The following CEMIP variants were observed in gnomAD, a reference collection of about 807,000 sequenced individuals.
CEMIP encodes cell migration inducing hyaluronidase 1.
In CEMIP, 105 loss-of-function variants were observed where a neutral mutation model predicts 156.9. The ratio of observed to expected loss-of-function variants is 0.67; its 90% CI spans 0.57 to 0.79. The LOEUF (loss-of-function observed/expected upper bound fraction) is 0.79, where lower values mean the gene tolerates loss of function less well. CEMIP is among the 30% of genes least tolerant of loss of function. The pLI is 0.00. For synonymous variants in CEMIP, 676 were observed against 668.4 expected (o/e 1.01, Z -0.17); for missense variants, 1,457 against 1,769.4 (o/e 0.82, Z 3.17).
At chr15:80,811,758 T>C (rs1305829732) in intron 1 of CEMIP, among the ~76,000 whole-genome samples, 1 of 152,194 alleles carries the variant, frequency 6.6e-6, no homozygotes, top group Non-Finnish European at 1.5e-5. Context: ...GGTTTCACCA[T>C]GTTGCCCAGG....
chr15:80,810,009 C>A (rs937467786), intron 1 of CEMIP, among the ~76,000 whole-genome samples: 3 of 152,132 alleles, frequency 2.0e-5, no homozygotes, highest in African/African-American at 7.2e-5. Flanking sequence ...ACTTTAATTA[C>A]ATCTTCAAAA....
chr15:80,924,620 G>C lies in CEMIP; in HGVS notation c.2203-1G>C. The C allele has an allele frequency of 6.2e-7, 1 of 1,614,130 alleles. No individual in the cohort carries two copies. Among genetic ancestry groups the C allele is most frequent in the Non-Finnish European group, 8.5e-7 (1 of 1,179,984 alleles). On this transcript the variant is annotated splice_acceptor_variant, in intron 17 of 29. Coordinates refer to ENST00000394685, the MANE Select transcript of CEMIP (RefSeq NM_001293298.2). LOFTEE classifies it high-confidence loss of function. ...TGTCCCTGAATATCTCTTCCCTGCA[G>C]GCTGGCATGATCATAGACAACGGAG...
At chr15:80,913,322 C>G (rs1362137362) in intron 14 of CEMIP, among the ~76,000 whole-genome samples, 2 of 152,226 alleles carry the variant, frequency 1.3e-5, no homozygotes, top group East Asian at 3.8e-4. Flanking sequence ...AACTTTTGCT[C>G]TCTCTGAGCC....
intron 12 of CEMIP, among the ~76,000 whole-genome samples, chr15:80,904,190 C>A (rs563146003): frequency 6.6e-6 from 1 of 152,316 alleles, no homozygotes; most frequent in South Asian, 2.1e-4. Context: ...TAAATGAAAT[C>A]TTTCTAAGAT....
intron 1 of CEMIP, among the ~76,000 whole-genome samples, chr15:80,840,309 G>A (rs977718176): frequency 7.2e-5 from 11 of 152,118 alleles, no homozygotes; most frequent in African/African-American, 2.7e-4. Flanking sequence ...ATGGAGGGTG[G>A]GGACGAGTCA....
chr15:80,939,460 G>C (rs1901258138), intron 25 of CEMIP, among the ~76,000 whole-genome samples: 1 of 152,220 alleles, frequency 6.6e-6, no homozygotes, highest in Non-Finnish European at 1.5e-5. Context: ...TATGATTAAA[G>C]TAACAGATGT....
At position 80,873,949 on chromosome 15, in the gene CEMIP, T is replaced by A. The variant is rs1010456052; in HGVS notation, c.70T>A (p.Cys24Ser). ...GACCATCAGCTGGCTCACTCTGACC[T>A]GCTTCCCTGGGGCCACATCCACAGG... is the stretch of plus-strand genomic sequence containing the variant. ...MLTISWLTLT[C>S]FPGATSTVAA... is the part of the protein sequence containing the mutation. The change falls in exon 3 of 30, where the codon TGC becomes AGC. Residue 24 changes from cysteine to serine, a missense_variant. Physicochemically the swap from Cys to Ser is moderately radical, Grantham distance 112 (BLOSUM62 -1). This residue lies in a region of CEMIP where 309 missense variants were observed against 340.8 expected (regional missense o/e 0.91). Transcript: ENST00000394685. 1.3e-6 allele frequency: 2 copies of A among 1,573,138 alleles called. No homozygotes were observed. The highest frequency in any genetic ancestry group is 2.7e-5 in the African/African-American group (2 of 74,626).
intron 14 of CEMIP, among the ~76,000 whole-genome samples, chr15:80,912,498 C>T (rs1312207252): frequency 2.6e-5 from 4 of 152,322 alleles, no homozygotes; most frequent in East Asian, 3.9e-4. Flanking sequence ...AGCTTGATGG[C>T]CAAGCTGGTG....
At chr15:80,814,917 C>T (rs1896757589) in intron 1 of CEMIP, among the ~76,000 whole-genome samples, 1 of 152,074 alleles carries the variant, frequency 6.6e-6, no homozygotes, top group East Asian at 1.9e-4. Context: ...GAACTCCTGC[C>T]CTCAGTGATC....
rs751282981 is a variant in CEMIP at position 80,925,802 on chromosome 15, G to A, written c.2420+47G>A. ...CTTTGGCACAAAGGGGGCATGGCGC[G>A]TCTTCCCCTAGCCCCCTACAGAGAC... On this transcript the variant is annotated intron_variant, in intron 19 of 29. Coordinates refer to ENST00000394685, the MANE Select transcript of CEMIP (RefSeq NM_001293298.2). 99 of 1,597,382 alleles carry A rather than the reference G, an allele frequency of 6.2e-5. 1 individual carries two copies. Among genetic ancestry groups the A allele is most frequent in the Non-Finnish European group, 7.7e-5 (90 of 1,175,656 alleles).
chr15:80,806,055 T>G (rs1415791995), intron 1 of CEMIP, among the ~76,000 whole-genome samples: 1 of 152,356 alleles, frequency 6.6e-6, no homozygotes, highest in Admixed American at 6.5e-5. Flanking sequence ...GTACTGGTAA[T>G]GAATAACTGA....
At chr15:80,937,715 C>T in intron 24 of CEMIP, 79 bp from the exon 25 acceptor site, 4 of 1,386,026 alleles carry the variant, frequency 2.9e-6, no homozygotes, top group Admixed American at 1.8e-5. Context: ...ATTTTTTGGT[C>T]TCTTTCTCCA....
chr15:80,843,796 C>T (rs980062550), intron 1 of CEMIP, among the ~76,000 whole-genome samples: 1 of 152,162 alleles, frequency 6.6e-6, no homozygotes, highest in African/African-American at 2.4e-5. Context: ...TGCTCTGTCA[C>T]CCAGCCCCCA....
At chr15:80,947,574 C>T (rs1418890331) in intron 29 of CEMIP, 1 of 160,618 alleles carries the variant, frequency 6.2e-6, no homozygotes, top group East Asian at 1.7e-4. Context: ...TGAAGCCTAG[C>T]ACAGGCTTGC....
chr15:80,811,674 C>A (rs117603437), intron 1 of CEMIP, among the ~76,000 whole-genome samples: 1,791 of 152,328 alleles, frequency 0.012, 18 homozygotes, highest in Admixed American at 0.019. Context: ...CCTGTCTCAG[C>A]CTCCTGAGTA....
Position 80,800,497 on chromosome 15 carries a change from G to A in CEMIP, c.-176+20883G>A, listed in dbSNP as rs576782203. Among the ~76,000 whole-genome samples, 7 of 152,240 alleles carry A rather than the reference G, an allele frequency of 4.6e-5. No homozygotes were observed. In the East Asian group the frequency reaches 1.4e-3, roughly 29 times the overall value. ...GCTGGGGTACTTAATATTGGCTGAGGCAACTACTTTTAAACTGTTGGTATT... is the reference window on the plus strand; with the variant it reads ...GCTGGGGTACTTAATATTGGCTGAGACAACTACTTTTAAACTGTTGGTATT... On this transcript the variant is annotated intron_variant, in intron 1 of 29. Transcript: ENST00000394685.
chr15:80,896,354 G>A (rs1172773122), intron 12 of CEMIP: 2 of 556,040 alleles, frequency 3.6e-6, no homozygotes, highest in African/African-American at 1.9e-5. Flanking sequence ...GGGGGAGATT[G>A]CAAACTCCTA....
intron 14 of CEMIP, among the ~76,000 whole-genome samples, chr15:80,919,302 G>A (rs149856541): frequency 7.9e-5 from 12 of 152,140 alleles, no homozygotes; most frequent in Non-Finnish European, 1.5e-4. Context: ...AAGTTCCCTC[G>A]TCCACCCTTA....
At chr15:80,803,698 G>T (rs573898891) in intron 1 of CEMIP, among the ~76,000 whole-genome samples, 4 of 152,270 alleles carry the variant, frequency 2.6e-5, no homozygotes, top group Admixed American at 2.6e-4. Flanking sequence ...TTAAGCAACG[G>T]TTCTACAGAC....
Sources: allele counts gnomAD v4.1 joint callset (sites outside exome capture counted in the v4.1 genomes callset), GRCh38; gene constraint gnomAD v4.1.1; regional missense constraint gnomAD v4.1.1; transcripts MANE v1.5; gene names NCBI Gene and HGNC (gene_info 2026-07-23, HGNC 2026-07-21).